SGPP2: variants seen among roughly 807,000 people sequenced by gnomAD.
SGPP2 encodes sphingosine-1-phosphate phosphatase 2.
SGPP2 carries 30 observed loss-of-function variants against 33.9 expected under a neutral mutation model. The observed-to-expected ratio is 0.89, with a 90% CI of 0.66 to 1.20. The LOEUF is 1.20. Ranked by LOEUF, SGPP2 falls within the 50% of genes most tolerant of loss-of-function variation. The pLI is 0.00. For synonymous variants in SGPP2, 233 were observed against 225.0 expected (o/e 1.04, Z -0.32); for missense variants, 458 against 532.1 (o/e 0.86, Z 1.37).
At chr2:222,425,172 C>T (rs1697044068) in intron 1 of SGPP2, among the ~76,000 whole-genome samples, 1 of 152,286 alleles carries the variant, frequency 6.6e-6, no homozygotes, top group Non-Finnish European at 1.5e-5. Flanking sequence ...GGCACTTCCC[C>T]GGGGAGACGT....
rs747867307 is a variant in SGPP2 at position 222,558,440 on chromosome 2, C to CTCT, written c.745_747dup (p.Phe249dup). On this transcript the variant is annotated inframe_insertion, in exon 5 of 5. Coordinates refer to ENST00000321276, the MANE Select transcript of SGPP2 (RefSeq NM_152386.4). ...CGACTGCCTGGACTCGGCCAGCCCC[C>CTCT]TCTTCCCCGTGTGTGTCATAGTTGT... 1.2e-6 allele frequency: 2 copies of CTCT among 1,614,076 alleles called. No homozygotes were observed. The highest frequency in any genetic ancestry group is 2.2e-5 in the South Asian group (2 of 91,092).
intron 1 of SGPP2, among the ~76,000 whole-genome samples, chr2:222,450,654 A>C (rs1252780914): frequency 2.6e-5 from 4 of 152,202 alleles, no homozygotes; most frequent in Admixed American, 2.0e-4. Context: ...ACGTGCATTG[A>C]GAGAGACACA....
chr2:222,507,267 T>A (rs1698458892), intron 2 of SGPP2, among the ~76,000 whole-genome samples: 2 of 152,114 alleles, frequency 1.3e-5, no homozygotes, highest in Non-Finnish European at 2.9e-5. Flanking sequence ...CTGTTTTGGA[T>A]GCAAGCAGAA....
Position 222,498,351 on chromosome 2 carries a change from C to A in SGPP2, c.379-23416C>A, listed in dbSNP as rs184294071. ...AATGATACAGAGAAGATTAACAGGG[C>A]CCCTCAGCAAGGATGACATGTCAAT... On this transcript the variant is annotated intron_variant, in intron 2 of 4. Transcript: ENST00000321276. 3 of 152,244 alleles carry A rather than the reference C, an allele frequency of 2.0e-5. No homozygotes were observed. The East Asian group carries it at 5.8e-4, about 29-fold the overall frequency. 9.4% of individuals were successfully genotyped at this position (152,244 alleles called of 1,614,324 possible).
chr2:222,544,489 A>G (rs1159979508), intron 4 of SGPP2, among the ~76,000 whole-genome samples: 1 of 152,226 alleles, frequency 6.6e-6, no homozygotes, highest in Non-Finnish European at 1.5e-5. Flanking sequence ...TCCCTTATAT[A>G]AAATATCATA....
rs531090251 is a variant in SGPP2 at position 222,442,529 on chromosome 2, A to G, written c.219+17708A>G. ...ATGTTTTTCGTAAGTACAGAAAAAC[A>G]TCGAACAATTTAATTGTGTAATTCA... is the stretch of plus-strand genomic sequence containing the variant. On this transcript the variant is annotated intron_variant, in intron 1 of 4. Transcript: ENST00000321276. Among the ~76,000 whole-genome samples the G allele has an allele frequency of 5.9e-5, 9 of 152,314 alleles. No individual in the cohort carries two copies. In the South Asian group the frequency reaches 1.7e-3, roughly 28 times the overall value.
At chr2:222,545,129 G>A (rs931442935) in intron 4 of SGPP2, among the ~76,000 whole-genome samples, 2 of 152,094 alleles carry the variant, frequency 1.3e-5, no homozygotes, top group African/African-American at 4.8e-5. Context: ...AGACTTTACT[G>A]CAATGAAAAA....
intron 1 of SGPP2, among the ~76,000 whole-genome samples, chr2:222,425,191 T>TC (rs1004625412): frequency 2.6e-5 from 4 of 151,508 alleles, no homozygotes; most frequent in African/African-American, 9.7e-5. Flanking sequence ...GTTCTTAGAC[T>TC]CCCCCCCACC....
intron 1 of SGPP2, among the ~76,000 whole-genome samples, chr2:222,445,556 G>A (rs915582940): frequency 6.6e-6 from 1 of 152,178 alleles, no homozygotes; most frequent in African/African-American, 2.4e-5. Flanking sequence ...CATGGTTCCT[G>A]AGGGAGAAGG....
At chr2:222,527,026 T>TA (rs1448517510) in intron 4 of SGPP2, among the ~76,000 whole-genome samples, 1 of 152,130 alleles carries the variant, frequency 6.6e-6, no homozygotes, top group Non-Finnish European at 1.5e-5. Flanking sequence ...GGGTTAAAGT[T>TA]AAAATGAAAG....
chr2:222,547,424 T>C (rs13382464), intron 4 of SGPP2, among the ~76,000 whole-genome samples: 45,315 of 152,136 alleles, frequency 0.3, 7,671 homozygotes, highest in Non-Finnish European at 0.38. Context: ...ATGTGAATTA[T>C]GGGTGGGGAA....
chr2:222,431,072 A>G (rs1697145619), intron 1 of SGPP2, among the ~76,000 whole-genome samples: 1 of 152,326 alleles, frequency 6.6e-6, no homozygotes, highest in East Asian at 1.9e-4. Context: ...CAAATGTATC[A>G]TACCAACATA....
At chr2:222,534,426 A>G (rs962345409) in intron 4 of SGPP2, among the ~76,000 whole-genome samples, 3 of 151,536 alleles carry the variant, frequency 2.0e-5, no homozygotes, top group African/African-American at 4.9e-5. Flanking sequence ...AATTACACAG[A>G]TACTGTTTTA....
rs1698740401 is a variant in SGPP2, at chr2:222,525,170, G to A, written c.648+137G>A. 4.8e-6 allele frequency: 3 copies of A among 628,140 alleles called. No homozygotes were observed. The South Asian group carries it at 6.7e-5, about 14-fold the overall frequency. 38.9% of individuals were successfully genotyped at this position (628,140 alleles called of 1,614,324 possible). A position where few individuals can be genotyped will look rare whatever the true frequency, so the allele number is the denominator to read the frequency against. On this transcript the variant is annotated intron_variant, in intron 4 of 4. Transcript: ENST00000321276. ...ATTTCTCATCATGCCAATGCATTAA[G>A]TAATTATTATGTTCGGGTGCATGTA... is the stretch of plus-strand genomic sequence containing the variant.
intron 4 of SGPP2, among the ~76,000 whole-genome samples, chr2:222,537,490 G>T (rs1420084774): frequency 2.0e-5 from 3 of 152,140 alleles, no homozygotes; most frequent in Non-Finnish European, 4.4e-5. Flanking sequence ...ATAGAGATAT[G>T]AAGGAATAAA....
chr2:222,498,215 T>G (rs1212130606), intron 2 of SGPP2: 1 of 152,184 alleles, frequency 6.6e-6, no homozygotes, highest in African/African-American at 2.4e-5. Context: ...ACTTGGGTTC[T>G]CTCATATATA....
intron 2 of SGPP2, among the ~76,000 whole-genome samples, chr2:222,497,256 T>A: frequency 6.7e-6 from 1 of 148,652 alleles, no homozygotes. Flanking sequence ...TCTTCTTTTT[T>A]TTTTTTTTTT....
At chr2:222,444,155 G>A (rs1697365764) in intron 1 of SGPP2, among the ~76,000 whole-genome samples, 1 of 152,206 alleles carries the variant, frequency 6.6e-6, no homozygotes. Context: ...CATGGGTGAT[G>A]GGAGACAAGG....
chr2:222,429,268 C>T (rs1009508400), intron 1 of SGPP2, among the ~76,000 whole-genome samples: 5 of 152,214 alleles, frequency 3.3e-5, no homozygotes, highest in African/African-American at 9.7e-5. Context: ...TCTGAGTTCT[C>T]TTCTCCTGGG....
Sources: allele counts gnomAD v4.1 joint callset (sites outside exome capture counted in the v4.1 genomes callset), GRCh38; gene constraint gnomAD v4.1.1; transcripts MANE v1.5; gene names NCBI Gene and HGNC (gene_info 2026-07-23, HGNC 2026-07-21).